The following P3H2 variants were observed in gnomAD, a reference collection of about 807,000 sequenced individuals.
P3H2 encodes the protein prolyl 3-hydroxylase 2.
P3H2 carries 80 observed loss-of-function variants against 87.0 expected under a neutral mutation model. The ratio of observed to expected loss-of-function variants is 0.92; its 90% confidence interval spans 0.77 to 1.11. P3H2 has a LOEUF of 1.11. Ranked by LOEUF, P3H2 falls within the 50% of genes least tolerant of loss-of-function variation. The pLI is 0.00. For synonymous variants in P3H2, 367 were observed against 359.3 expected, an observed-to-expected ratio of 1.02 and a Z score of -0.24; for missense variants, 1,001 against 923.9, an observed-to-expected ratio of 1.08 and a Z score of -1.08.
At chr3:190,083,166 T>C (rs1380827332) in intron 1 of P3H2, among the ~76,000 whole-genome samples, 1 of 152,216 alleles carries the variant, frequency 6.6e-6, no homozygotes, top group African/African-American at 2.4e-5. Flanking sequence ...TAACTTGCCT[T>C]TTTTGCCTCT....
chr3:190,118,800 T>A (rs1263413214), intron 1 of P3H2, among the ~76,000 whole-genome samples: 1 of 151,960 alleles, frequency 6.6e-6, no homozygotes, highest in African/African-American at 2.4e-5. Flanking sequence ...TTCATCTCCT[T>A]AGAAACACAG....
chr3:190,041,457 G>T (rs1725634077), intron 1 of P3H2, among the ~76,000 whole-genome samples: 1 of 151,914 alleles, frequency 6.6e-6, no homozygotes, highest in African/African-American at 2.4e-5. Flanking sequence ...GTCCAATAAG[G>T]GGAAATCCCG....
chr3:190,119,610 A>C (rs1251690456), intron 1 of P3H2, among the ~76,000 whole-genome samples: 3 of 152,194 alleles, frequency 2.0e-5, no homozygotes, highest in Non-Finnish European at 4.4e-5. Flanking sequence ...TAAGCCCTCT[A>C]TCAAAGGAGA....
At chr3:190,000,221 A>G (rs1386413280) in intron 1 of P3H2, among the ~76,000 whole-genome samples, 1 of 152,206 alleles carries the variant, frequency 6.6e-6, no homozygotes, top group Non-Finnish European at 1.5e-5. Context: ...AACTCTTTCC[A>G]GAGAAACTGA....
chr3:189,964,092 T>A lies in P3H2; in HGVS notation c.1900A>T (p.Ile634Leu). Residue 634 changes from isoleucine to leucine, a missense_variant, in exon 14 of 15, where the codon ATA becomes TTA. Physicochemically the swap from Ile to Leu is conservative, Grantham distance 5. Transcript: ENST00000319332. ...ATCATGCGCCCACATTTTGGTTTTA[T>A]AGAGGCCTGAGAAAGAAAGCAAAAA... ...EMDAKTVTAS[I>L]KPKCGRMISF... 2 of 1,614,158 alleles carry A rather than the reference T, an allele frequency of 1.2e-6. No individual in the cohort carries two copies. Among genetic ancestry groups the A allele is most frequent in the Non-Finnish European group, 1.7e-6 (2 of 1,179,996 alleles).
chr3:190,010,259 G>C, intron 1 of P3H2, among the ~76,000 whole-genome samples: 1 of 152,106 alleles, frequency 6.6e-6, no homozygotes, highest in East Asian at 1.9e-4. Flanking sequence ...AGAGAGGTCA[G>C]GTAATAATAG....
intron 12 of P3H2, chr3:189,971,611 G>A (rs1218620149): frequency 2.5e-6 from 1 of 403,546 alleles, no homozygotes; most frequent in Non-Finnish European, 4.7e-6. Flanking sequence ...ATGTTCCAGG[G>A]AGAACAGGAA....
intron 1 of P3H2, among the ~76,000 whole-genome samples, chr3:190,057,397 G>C (rs1277479376): frequency 1.3e-5 from 2 of 152,138 alleles, no homozygotes; most frequent in East Asian, 3.9e-4. Flanking sequence ...AAGTCCCAGG[G>C]ATGTATCTGA....
chr3:190,004,821 G>GA (rs960680205), intron 1 of P3H2, among the ~76,000 whole-genome samples: 8 of 151,966 alleles, frequency 5.3e-5, no homozygotes, highest in Non-Finnish European at 1.0e-4. Flanking sequence ...AATAAAGGGG[G>GA]AAAAACGTTG....
At chr3:190,057,081 A>T (rs114380352) in intron 1 of P3H2, among the ~76,000 whole-genome samples, 1 of 152,164 alleles carries the variant, frequency 6.6e-6, no homozygotes, top group African/African-American at 2.4e-5. Flanking sequence ...GCAGAAGGAG[A>T]ATGACTTGAA....
intron 1 of P3H2, among the ~76,000 whole-genome samples, chr3:190,028,193 C>A (rs890191626): frequency 2.0e-5 from 3 of 152,118 alleles, no homozygotes; most frequent in Non-Finnish European, 4.4e-5. Context: ...AAGAGACACA[C>A]ATTAAATGTT....
chr3:190,002,371 T>C (rs1272942364), intron 1 of P3H2, among the ~76,000 whole-genome samples: 1 of 152,012 alleles, frequency 6.6e-6, no homozygotes, highest in Non-Finnish European at 1.5e-5. Context: ...AACTATATTA[T>C]ATTATGTTGG....
At chr3:189,973,263 T>C in intron 10 of P3H2, 1 of 490,920 alleles carries the variant, frequency 2.0e-6, no homozygotes. Context: ...TATAATATGT[T>C]CTACCATCCT....
intron 13 of P3H2, chr3:189,969,506 A>G (rs1309533011): frequency 9.5e-7 from 1 of 1,052,246 alleles, no homozygotes; most frequent in Non-Finnish European, 1.5e-6. Flanking sequence ...CTGAGGTCTC[A>G]TACTGGTCCT....
At chr3:189,983,504 A>T (rs7629224) in intron 7 of P3H2, 2,133 of 200,596 alleles carry the variant, frequency 0.011, 50 homozygotes, top group African/African-American at 0.046. Context: ...TCATTGAACA[A>T]CTGTTGAATT....
At position 189,961,055 on chromosome 3, in the gene P3H2, C is replaced by T. The variant is rs186800854; in HGVS notation, c.2034+2903G>A. 8.7e-3 allele frequency among the ~76,000 whole-genome samples: 1,321 copies of T among 152,122 alleles called. 9 individuals carry two copies. Among genetic ancestry groups the T allele is most frequent in the Middle Eastern group, 0.014 (4 of 294 alleles). ...TCCTGGATTCAAGTGATTCTCCTGC[C>T]TCAGCCTCCCCAGTAGCTGGGATTA... On this transcript the variant is annotated intron_variant, in intron 14 of 14. Coordinates refer to ENST00000319332, the MANE Select transcript of P3H2 (RefSeq NM_018192.4).
intron 3 of P3H2, among the ~76,000 whole-genome samples, chr3:189,992,244 A>G (rs539942059): frequency 0.021 from 3,232 of 152,096 alleles, 91 homozygotes; most frequent in African/African-American, 0.065. Context: ...ACAGGCACCC[A>G]CCACCACACC....
At chr3:190,012,109 T>C (rs1724608058) in intron 1 of P3H2, among the ~76,000 whole-genome samples, 1 of 152,144 alleles carries the variant, frequency 6.6e-6, no homozygotes, top group Non-Finnish European at 1.5e-5. Flanking sequence ...GGCTTCATCT[T>C]GAAATTGGGA....
intron 1 of P3H2, among the ~76,000 whole-genome samples, chr3:190,096,331 A>G (rs1727584909): frequency 6.6e-6 from 1 of 152,094 alleles, no homozygotes; most frequent in African/African-American, 2.4e-5. Context: ...TGCTGTTCTC[A>G]TGATAGTGAG....
Sources: allele counts gnomAD v4.1 joint callset (sites outside exome capture counted in the v4.1 genomes callset), GRCh38; gene constraint gnomAD v4.1.1; transcripts MANE v1.5; gene names NCBI Gene and HGNC (gene_info 2026-07-23, HGNC 2026-07-21).